The following NRXN3 variants were observed in gnomAD, a reference collection of about 807,000 sequenced individuals.
The protein encoded by NRXN3 is neurexin 3.
In NRXN3, 32 loss-of-function variants were observed where a neutral mutation model predicts 137.6. The observed-to-expected ratio is 0.23, with a 90% CI of 0.18 to 0.31. NRXN3 has a LOEUF of 0.31. Among genes scored for constraint, NRXN3 ranks in the 10% least tolerant of loss-of-function variants. The pLI, the probability that NRXN3 is intolerant of heterozygous loss-of-function variation, is 1.00. For synonymous variants in NRXN3, 798 were observed against 784.5 expected (o/e 1.02, Z -0.29); for missense variants, 1,574 against 2,062.5 (o/e 0.76, Z 4.59).
chr14:79,656,443 G>A (rs1482554269), intron 16 of NRXN3, among the ~76,000 whole-genome samples: 1 of 152,172 alleles, frequency 6.6e-6, no homozygotes, highest in Non-Finnish European at 1.5e-5. Context: ...GTTCCGAGTA[G>A]ATTTGAAGGA....
At chr14:79,702,190 T>G (rs2098757154) in intron 19 of NRXN3, among the ~76,000 whole-genome samples, 1 of 152,076 alleles carries the variant, frequency 6.6e-6, no homozygotes, top group Non-Finnish European at 1.5e-5. Context: ...TCACTACCCA[T>G]CTTTAAAGTT....
At chr14:79,631,518 G>A (rs1465286462) in intron 16 of NRXN3, among the ~76,000 whole-genome samples, 9 of 152,202 alleles carry the variant, frequency 5.9e-5, no homozygotes, top group South Asian at 2.1e-4. Context: ...TTCGGGCTCC[G>A]TGGCCCCGCA....
intron 1 of NRXN3, among the ~76,000 whole-genome samples, chr14:78,213,970 A>G (rs2063002374): frequency 6.6e-6 from 1 of 152,220 alleles, no homozygotes. Context: ...CAGCAGGCCC[A>G]TAGTAGCAGA....
intron 17 of NRXN3, among the ~76,000 whole-genome samples, chr14:79,666,234 G>A (rs1027042538): frequency 7.9e-5 from 12 of 151,864 alleles, no homozygotes; most frequent in African/African-American, 7.3e-5. Flanking sequence ...CTGTTTTGTT[G>A]TTCTTTAAGA....
chr14:79,379,959 G>C (rs2094418248), intron 15 of NRXN3, among the ~76,000 whole-genome samples: 1 of 151,668 alleles, frequency 6.6e-6, no homozygotes, highest in Non-Finnish European at 1.5e-5. Flanking sequence ...GTATAGGTGG[G>C]AATCCCATAG....
At chr14:79,658,160 G>A (rs1260305648) in intron 16 of NRXN3, among the ~76,000 whole-genome samples, 3 of 152,124 alleles carry the variant, frequency 2.0e-5, no homozygotes, top group Non-Finnish European at 4.4e-5. Flanking sequence ...GAAAATGCAT[G>A]GATTTTAGAG....
intron 16 of NRXN3, among the ~76,000 whole-genome samples, chr14:79,491,047 C>A (rs938654359): frequency 6.6e-6 from 1 of 152,024 alleles, no homozygotes; most frequent in Non-Finnish European, 1.5e-5. Context: ...TGACTGAGTG[C>A]CAGGGTGTAT....
chr14:78,277,752 C>A (rs2073813964), intron 2 of NRXN3, among the ~76,000 whole-genome samples: 1 of 152,130 alleles, frequency 6.6e-6, no homozygotes, highest in Non-Finnish European at 1.5e-5. Context: ...CTTCCCCAGC[C>A]CGATTCTATT....
chr14:79,572,347 T>C (rs879486970), intron 16 of NRXN3, among the ~76,000 whole-genome samples: 1 of 152,202 alleles, frequency 6.6e-6, no homozygotes, highest in Admixed American at 6.5e-5. Context: ...TTAGAAATAT[T>C]TGGAATGTTT....
intron 19 of NRXN3, among the ~76,000 whole-genome samples, chr14:79,788,161 T>C (rs1475183366): frequency 3.3e-5 from 5 of 152,228 alleles, no homozygotes; most frequent in Admixed American, 6.5e-5. Flanking sequence ...AACTCCCCTT[T>C]ATAAAACCAT....
In NRXN3 at chr14:78,715,132, C is replaced by T. The variant is rs199833671; in HGVS notation, c.2037C>T (p.Cys679=). ...CTGTGYWGRT[C]EREASILSYD... ...GCACCGGATACTGGGGAAGAACCTG[C>T]GAAAGGGGTGAGTCGGCCTAGAGGA... The change falls in exon 8 of 21, where the codon TGC becomes TGT. Residue 679 remains cysteine (C), a synonymous_variant. Transcript: ENST00000335750. 28 of 1,606,420 alleles carry T rather than the reference C, an allele frequency of 1.7e-5. No individual in the cohort carries two copies. Among genetic ancestry groups the T allele is most frequent in the African/African-American group, 9.4e-5 (7 of 74,852 alleles).
intron 15 of NRXN3, among the ~76,000 whole-genome samples, chr14:79,001,654 T>C (rs965565283): frequency 1.3e-5 from 2 of 152,222 alleles, no homozygotes; most frequent in African/African-American, 4.8e-5. Context: ...ACTCATGCCT[T>C]ATCCCAAATC....
intron 10 of NRXN3, among the ~76,000 whole-genome samples, chr14:78,885,907 C>T (rs1332848829): frequency 6.6e-6 from 1 of 151,996 alleles, no homozygotes; most frequent in Non-Finnish European, 1.5e-5. Flanking sequence ...CAATTAGGAG[C>T]AGAGGAAGGG....
At chr14:79,112,015 T>C (rs961814153) in intron 15 of NRXN3, among the ~76,000 whole-genome samples, 3 of 152,364 alleles carry the variant, frequency 2.0e-5, no homozygotes, top group Middle Eastern at 3.4e-3. Flanking sequence ...AAAGAAGTTA[T>C]AGTTTATTTT....
intron 16 of NRXN3, among the ~76,000 whole-genome samples, chr14:79,480,663 A>G (rs1046246658): frequency 3.3e-5 from 5 of 152,142 alleles, no homozygotes; most frequent in Admixed American, 3.3e-4. Flanking sequence ...GTCCTGTTCA[A>G]TTGTAATCCC....
intron 14 of NRXN3, among the ~76,000 whole-genome samples, 186 bp downstream of exon 14, chr14:78,968,532 C>T (rs140275772): frequency 0.022 from 3,300 of 152,228 alleles, 68 homozygotes; most frequent in Non-Finnish European, 0.026. Flanking sequence ...GTGCCACAGG[C>T]TCCAGGAATG....
At chr14:78,685,640 T>C (rs2098118566) in intron 6 of NRXN3, among the ~76,000 whole-genome samples, 1 of 148,710 alleles carries the variant, frequency 6.7e-6, no homozygotes, top group Admixed American at 6.7e-5. Context: ...TTTTTTTTTT[T>C]TTTTTTTTTG....
At chr14:78,534,015 T>G (rs12893767) in intron 4 of NRXN3, among the ~76,000 whole-genome samples, 33,621 of 152,200 alleles carry the variant, frequency 0.22, 4,105 homozygotes, top group Middle Eastern at 0.32. Flanking sequence ...TTCAGGCTTT[T>G]CCCCATTAAG....
intron 10 of NRXN3, among the ~76,000 whole-genome samples, chr14:78,822,440 C>T (rs898407667): frequency 1.3e-5 from 2 of 151,892 alleles, no homozygotes; most frequent in African/African-American, 2.4e-5. Flanking sequence ...TTTGGGAGGC[C>T]GAGGTGGGTA....
Sources: allele counts gnomAD v4.1 joint callset (sites outside exome capture counted in the v4.1 genomes callset), GRCh38; gene constraint gnomAD v4.1.1; transcripts MANE v1.5; gene names NCBI Gene and HGNC (gene_info 2026-07-23, HGNC 2026-07-21).